Variants in ME3 observed in about 807,000 individuals in gnomAD.
The protein encoded by ME3 is malic enzyme 3, also known as NADP-dependent malic enzyme, mitochondrial.
ME3 carries 48 observed loss-of-function variants against 68.9 expected under a neutral mutation model. The ratio of observed to expected loss-of-function variants is 0.70; its 90% CI spans 0.55 to 0.89. The LOEUF is 0.89. Ranked by LOEUF, ME3 falls within the 40% of genes least tolerant of loss-of-function variation. The probability of loss-of-function intolerance (pLI) is 0.00; values close to 1 mark genes in which losing one functional copy is unlikely to be tolerated. For missense variants in ME3, 675 were observed against 797.4 expected, an observed-to-expected ratio of 0.85 and a Z score of 1.85; for synonymous variants, 320 against 318.8, an observed-to-expected ratio of 1.00 and a Z score of -0.04.
chr11:86,580,882 A>T (rs1051503558), intron 2 of ME3, among the ~76,000 whole-genome samples: 1 of 152,212 alleles, frequency 6.6e-6, no homozygotes, highest in Non-Finnish European at 1.5e-5. Context: ...ACAAGGTTTG[A>T]TCAGTCTACC....
intron 4 of ME3, among the ~76,000 whole-genome samples, chr11:86,534,859 G>A (rs555954572): frequency 1.6e-4 from 24 of 152,154 alleles, no homozygotes; most frequent in African/African-American, 5.8e-4. Flanking sequence ...AAGAAAATAT[G>A]GCCCATCTGT....
Position 86,637,748 on chromosome 11 carries a change from G to C in ME3, c.183+34014C>G, listed in dbSNP as rs1490304613. ...GTTCATGTATTACCAATTTCATCTG[G>C]TAGAGGTTGATGAAGAAGTTGAACT... On this transcript the variant is annotated intron_variant, in intron 2 of 14. Transcript: ENST00000543262. Among the ~76,000 whole-genome samples, 3 of 152,086 alleles carry C rather than the reference G, an allele frequency of 2.0e-5. No individual in the cohort carries two copies. The East Asian group carries it at 5.8e-4, about 29-fold the overall frequency.
chr11:86,630,344 C>A (rs1207245672), intron 2 of ME3, among the ~76,000 whole-genome samples: 2 of 152,158 alleles, frequency 1.3e-5, no homozygotes, highest in Non-Finnish European at 2.9e-5. Flanking sequence ...CAGGCTCCAA[C>A]TCCAGTGACA....
At chr11:86,523,111 T>C (rs1954447986) in intron 4 of ME3, among the ~76,000 whole-genome samples, 1 of 152,216 alleles carries the variant, frequency 6.6e-6, no homozygotes, top group African/African-American at 2.4e-5. Flanking sequence ...TACTGTTGGC[T>C]CCTTGAAGAC....
chr11:86,447,138 G>C (rs1481660210), exon 12 of ME3: 2 of 1,614,212 alleles, frequency 1.2e-6, no homozygotes, highest in East Asian at 2.2e-5. Context: ...AAAGATGATA[G>C]GGCGCTCGTG....
At chr11:86,646,458 G>T (rs1455269743) in intron 2 of ME3, among the ~76,000 whole-genome samples, 1 of 152,208 alleles carries the variant, frequency 6.6e-6, no homozygotes, top group Non-Finnish European at 1.5e-5. Flanking sequence ...ATCAGAGACT[G>T]TAGATTAACT....
chr11:86,502,188 T>G (rs1338565903), intron 5 of ME3, among the ~76,000 whole-genome samples: 1 of 152,244 alleles, frequency 6.6e-6, no homozygotes, highest in Non-Finnish European at 1.5e-5. Flanking sequence ...TTTATCTCCT[T>G]GATACAAATC....
chr11:86,657,215 ACCCAAATG>A (rs1232936315), intron 2 of ME3, among the ~76,000 whole-genome samples: 1 of 152,100 alleles, frequency 6.6e-6, no homozygotes, highest in African/African-American at 2.4e-5. Flanking sequence ...CTTGGAACCA[ACCCAAATG>A]CCCATCAATG....
intron 4 of ME3, among the ~76,000 whole-genome samples, chr11:86,529,494 C>A (rs1304243256): frequency 2.0e-5 from 3 of 152,178 alleles, no homozygotes; most frequent in Non-Finnish European, 4.4e-5. Context: ...GGAATCCTCC[C>A]TAACTCATTT....
At chr11:86,464,640 A>G (rs1053714123) in intron 8 of ME3, among the ~76,000 whole-genome samples, 2 of 152,184 alleles carry the variant, frequency 1.3e-5, no homozygotes, top group Non-Finnish European at 2.9e-5. Context: ...GGCCATTTTT[A>G]TGGTGATTGG....
At chr11:86,547,828 C>T (rs1223632381) in intron 4 of ME3, among the ~76,000 whole-genome samples, 1 of 152,076 alleles carries the variant, frequency 6.6e-6, no homozygotes, top group Non-Finnish European at 1.5e-5. Context: ...GAAATTCTCC[C>T]CACACCTATC....
chr11:86,656,731 TA>T (rs1299630757), intron 2 of ME3, among the ~76,000 whole-genome samples: 2 of 151,968 alleles, frequency 1.3e-5, no homozygotes, highest in Non-Finnish European at 1.5e-5. Flanking sequence ...ACATGTACCC[TA>T]AAACTTAAAG....
At chr11:86,646,780 A>C (rs934002751) in intron 2 of ME3, among the ~76,000 whole-genome samples, 1 of 152,190 alleles carries the variant, frequency 6.6e-6, no homozygotes, top group Non-Finnish European at 1.5e-5. Context: ...ATGAAGGAAA[A>C]AATGTTAAGG....
intron 4 of ME3, among the ~76,000 whole-genome samples, chr11:86,546,809 T>C (rs538524128): frequency 6.6e-6 from 1 of 152,296 alleles, no homozygotes; most frequent in Admixed American, 6.5e-5. Context: ...AGCAATCCCA[T>C]TACTGGGTAT....
At chr11:86,531,753 A>G (rs979086646) in intron 4 of ME3, among the ~76,000 whole-genome samples, 1 of 148,270 alleles carries the variant, frequency 6.7e-6, no homozygotes, top group African/African-American at 2.5e-5. Flanking sequence ...ACATGTTCTC[A>G]CTCATAGGTG....
intron 4 of ME3, among the ~76,000 whole-genome samples, chr11:86,537,194 A>C (rs553074558): frequency 6.6e-6 from 1 of 151,256 alleles, no homozygotes; most frequent in African/African-American, 2.4e-5. Flanking sequence ...CTAGATGACG[A>C]GTTAGTGGGT....
chr11:86,476,804 C>G (rs1002411991), intron 7 of ME3, among the ~76,000 whole-genome samples: 54 of 152,262 alleles, frequency 3.5e-4, no homozygotes, highest in Middle Eastern at 6.8e-3. Flanking sequence ...GGAAATGGAT[C>G]ACACCTAGGG....
intron 8 of ME3, among the ~76,000 whole-genome samples, chr11:86,457,151 A>C (rs964187504): frequency 6.6e-6 from 1 of 152,128 alleles, no homozygotes; most frequent in Non-Finnish European, 1.5e-5. Flanking sequence ...CTGCATATTC[A>C]ATTTTGCCCT....
At chr11:86,531,246 A>G (rs1440841009) in intron 4 of ME3, among the ~76,000 whole-genome samples, 2 of 152,264 alleles carry the variant, frequency 1.3e-5, no homozygotes, top group African/African-American at 4.8e-5. Flanking sequence ...ACACATCAAG[A>G]AATGCTCATC....
Sources: allele counts gnomAD v4.1 joint callset (sites outside exome capture counted in the v4.1 genomes callset), GRCh38; gene constraint gnomAD v4.1.1; transcripts MANE v1.5; gene names NCBI Gene and HGNC (gene_info 2026-07-23, HGNC 2026-07-21).